Variants in ZNF581 observed in about 807,000 individuals in gnomAD.
ZNF581 encodes the protein zinc finger protein 581.
ZNF581 carries 1 observed loss-of-function variant against 1.2 expected under a neutral mutation model. The ratio of observed to expected loss-of-function variants is 0.83; its 90% confidence interval spans 0.30 to 3.95. The LOEUF is 3.95. Among genes scored for constraint, ZNF581 ranks in the 30% most tolerant of loss-of-function variants. The probability of loss-of-function intolerance (pLI) is 0.18; values close to 1 mark genes in which losing one functional copy is unlikely to be tolerated. For synonymous variants in ZNF581, 105 were observed against 109.2 expected (o/e 0.96, Z 0.24); for missense variants, 273 against 274.6 (o/e 0.99, Z 0.04).
At chr19:55,641,916 G>T, upstream of ZNF581, 2 of 361,196 alleles carry the variant, frequency 5.5e-6, no homozygotes, top group Non-Finnish European at 7.7e-6. Context: ...GGGCTCTGGG[G>T]AGGTACCTAG....
upstream of ZNF581, chr19:55,642,575 CCCCCCAAGGCTCCCCCTT>C: frequency 6.9e-7 from 1 of 1,446,982 alleles, no homozygotes; most frequent in Non-Finnish European, 9.1e-7. Flanking sequence ...GGACCCACCG[CCCCCCAAGGCTCCCCCTT>C]TCCCCAAGGC....
chr19:55,644,517 C>CTA lies in ZNF581; in HGVS notation c.-19-31_-19-30dup. The CTA allele has an allele frequency of 7.3e-7, 1 of 1,371,358 alleles. No individual in the cohort carries two copies. Among genetic ancestry groups the CTA allele is most frequent in the Non-Finnish European group, 9.8e-7 (1 of 1,015,558 alleles). 84.9% of individuals were successfully genotyped at this position (1,371,358 alleles called of 1,614,324 possible). ...GCCTGTGGTGCTGAGCTGCCCTCTT[C>CTA]TATATAACCTTCTTATCCCATCTCC... On this transcript the variant is annotated intron_variant, in intron 1 of 1. Transcript: ENST00000270451. The surrounding 1 kb of genome is among the most constrained non-coding windows in gnomAD (Gnocchi z 4.3).
chr19:55,643,146 G>A (rs1173006573), upstream of ZNF581: 5 of 1,183,938 alleles, frequency 4.2e-6, no homozygotes, highest in Non-Finnish European at 5.2e-6. Flanking sequence ...CTTACCCTGG[G>A]CCTCAGTTTC....
chr19:55,635,225 G>C, upstream of ZNF581: 1 of 152,414 alleles, frequency 6.6e-6, no homozygotes, highest in East Asian at 1.9e-4. Flanking sequence ...CAGGGGACGA[G>C]GTATAGGAAG....
upstream of ZNF581, chr19:55,641,073 G>C: frequency 1.0e-6 from 1 of 985,260 alleles, no homozygotes; most frequent in Non-Finnish European, 1.2e-6. Flanking sequence ...GGCGCCGCCG[G>C]CCCGGAGCTG....
upstream of ZNF581, chr19:55,643,214 T>C (rs963131980): frequency 3.9e-5 from 42 of 1,073,516 alleles, no homozygotes; most frequent in Non-Finnish European, 4.8e-5. Context: ...AGCTGTGTGA[T>C]GTAGACCAAA....
At position 55,645,176 on chromosome 19, in the gene ZNF581, C is replaced by T. The variant is rs752885554; in HGVS notation, c.*11C>T. 1.4e-5 allele frequency: 21 copies of T among 1,511,024 alleles called. No homozygotes were observed. Among genetic ancestry groups the T allele is most frequent in the South Asian group, 6.7e-5 (5 of 75,172 alleles). 93.6% of individuals were successfully genotyped at this position (1,511,024 alleles called of 1,614,324 possible). A position where few individuals can be genotyped will look rare whatever the true frequency, so the allele number is the denominator to read the frequency against. The stretch of plus-strand genomic sequence containing the variant: ...TGGAAGCATCCATGAGCCGGGCTGC[C>T]GGGTGCCCCAGGTACCACAGGACTT... On this transcript the variant is annotated 3_prime_UTR_variant, in exon 2 of 2. Coordinates refer to ENST00000270451, the MANE Select transcript of ZNF581 (RefSeq NM_016535.4).
At chr19:55,635,684 G>C in exon 1 of ZNF581, 1 of 988,162 alleles carries the variant, frequency 1.0e-6, no homozygotes, top group Non-Finnish European at 1.2e-6. Context: ...GGAGAAGTCA[G>C]AATGATTCGC....
chr19:55,642,576 C>T, upstream of ZNF581: 3 of 1,448,748 alleles, frequency 2.1e-6, no homozygotes, highest in Middle Eastern at 1.9e-4. Flanking sequence ...GACCCACCGC[C>T]CCCCAAGGCT....
chr19:55,644,276 A>T lies in ZNF581; in HGVS notation c.-19-277A>T, dbSNP rs1456879266. Among the ~76,000 whole-genome samples, 1 of 152,198 alleles carries T rather than the reference A, an allele frequency of 6.6e-6. No individual in the cohort carries two copies. Among genetic ancestry groups the T allele is most frequent in the African/African-American group, 2.4e-5 (1 of 41,452 alleles). ...CTGGGAGGGCACAAAGAGGAAGGTT[A>T]GAGCGAGGTCCAGGTTGTGCAGAGG... On this transcript the variant is annotated intron_variant, in intron 1 of 1. Coordinates refer to ENST00000270451, the MANE Select transcript of ZNF581 (RefSeq NM_016535.4). The surrounding 1 kb of genome is among the most constrained non-coding windows in gnomAD (Gnocchi z 4.3).
chr19:55,641,034 ACCCCCGCG>A (rs1253604245), upstream of ZNF581: 3 of 983,966 alleles, frequency 3.0e-6, no homozygotes, highest in African/African-American at 5.3e-5. Flanking sequence ...AACCCCTCGC[ACCCCCGCG>A]CCCCCAGTCC....
upstream of ZNF581, chr19:55,640,549 T>G: frequency 3.0e-6 from 3 of 985,462 alleles, no homozygotes; most frequent in South Asian, 9.4e-5. Context: ...CCCAACTATC[T>G]GGCAGCGTCT....
chr19:55,641,298 G>T, upstream of ZNF581: 1 of 686,500 alleles, frequency 1.5e-6, no homozygotes, highest in Non-Finnish European at 1.8e-6. Flanking sequence ...GGAGCGGCAG[G>T]ATCGGGCGGA....
At position 55,645,168 on chromosome 19, in the gene ZNF581, C is replaced by T. The variant is rs766106500; in HGVS notation, c.*3C>T. The T allele has an allele frequency of 2.5e-5, 38 of 1,511,348 alleles. No individual in the cohort carries two copies. The East Asian group carries it at 5.0e-4, about 20-fold the overall frequency. 93.6% of individuals were successfully genotyped at this position (1,511,348 alleles called of 1,614,324 possible). ...ACACGCGGTGGAAGCATCCATGAGC[C>T]GGGCTGCCGGGTGCCCCAGGTACCA... is the stretch of plus-strand genomic sequence containing the variant. On this transcript the variant is annotated 3_prime_UTR_variant, in exon 2 of 2. Coordinates refer to ENST00000270451, the MANE Select transcript of ZNF581 (RefSeq NM_016535.4).
rs1056575825 is a variant in ZNF581 at position 55,645,117 on chromosome 19, T to C, written c.546T>C (p.Phe182=). The C allele has an allele frequency of 6.5e-7, 1 of 1,536,932 alleles. No individual in the cohort carries two copies. Among genetic ancestry groups the C allele is most frequent in the Non-Finnish European group, 8.8e-7 (1 of 1,137,982 alleles). Residue 182 remains phenylalanine, a synonymous_variant, in exon 2 of 2, where the codon TTT becomes TTC. Coordinates refer to ENST00000270451, the MANE Select transcript of ZNF581 (RefSeq NM_016535.4). The part of the protein sequence containing the change: ...PFQCPHCPRR[F]MEQNTLQKHT... The stretch of plus-strand genomic sequence containing the variant: ...AGTGTCCACACTGCCCTCGCCGCTT[T>C]ATGGAGCAGAACACACTGCAGAAAC...
upstream of ZNF581, chr19:55,640,360 GC>G: frequency 1.0e-6 from 1 of 985,494 alleles, no homozygotes; most frequent in African/African-American, 1.7e-5. Flanking sequence ...CTTCCAGTGG[GC>G]CCCGTGGGCA....
chr19:55,642,540 C>G (rs1285979337), upstream of ZNF581: 1 of 1,444,638 alleles, frequency 6.9e-7, no homozygotes, highest in Admixed American at 2.8e-5. Context: ...CCACCCCACC[C>G]TCGGTCCTCC....
At chr19:55,640,576 C>T (rs982902664), upstream of ZNF581, 24 of 985,376 alleles carry the variant, frequency 2.4e-5, no homozygotes, top group South Asian at 4.2e-4. Context: ...CTCCGGGCCT[C>T]GGCCTCCCCA....
Position 55,644,927 on chromosome 19 carries a change from T to A in ZNF581, c.356T>A (p.Ile119Asn). ...GAGGTAAAGCCCTTCGAGTGTGACA[T>A]CTGTGGGAAGGCATTCAAGCGCGCC... is the stretch of plus-strand genomic sequence containing the variant. ...HSEVKPFECD[I>N]CGKAFKRASH... is the part of the protein sequence containing the mutation. Residue 119 changes from isoleucine to asparagine, a missense_variant, in exon 2 of 2, where the codon ATC (isoleucine) becomes AAC (asparagine). Ile to Asn is a moderately radical substitution (Grantham distance 149, BLOSUM62 -3). Transcript: ENST00000270451. The surrounding 1 kb of genome is among the most constrained non-coding windows in gnomAD (Gnocchi z 4.3). The A allele has an allele frequency of 6.2e-7, 1 of 1,613,656 alleles. No individual in the cohort carries two copies. Among genetic ancestry groups the A allele is most frequent in the Non-Finnish European group, 8.5e-7 (1 of 1,179,742 alleles).
Sources: allele counts gnomAD v4.1 joint callset (sites outside exome capture counted in the v4.1 genomes callset), GRCh38; gene constraint gnomAD v4.1.1; non-coding constraint Gnocchi (gnomAD v3.1); transcripts MANE v1.5; gene names NCBI Gene and HGNC (gene_info 2026-07-23, HGNC 2026-07-21).